The following CLVS2 variants were observed in gnomAD, a reference collection of about 807,000 sequenced individuals.
The protein encoded by CLVS2 is clavesin 2.
In CLVS2, 19 loss-of-function variants were observed where a neutral mutation model predicts 29.0. That is an observed-to-expected ratio of 0.66 (90% CI 0.46 to 0.96). The LOEUF (loss-of-function observed/expected upper bound fraction) is 0.96. CLVS2 is among the 40% of genes least tolerant of loss of function. The pLI, the probability that CLVS2 is intolerant of heterozygous loss-of-function variation, is 0.00. For missense variants in CLVS2, 294 were observed against 404.1 expected, an observed-to-expected ratio of 0.73 and a Z score of 2.34; for synonymous variants, 161 against 151.3, an observed-to-expected ratio of 1.06 and a Z score of -0.47.
chr6:123,032,352 C>A (rs545570461), intron 3 of CLVS2, among the ~76,000 whole-genome samples: 1 of 151,974 alleles, frequency 6.6e-6, no homozygotes, highest in Non-Finnish European at 1.5e-5. Flanking sequence ...GTAGGGGAGA[C>A]AAATATGTGT....
rs969402026 is a variant in CLVS2 at position 123,065,806 on chromosome 6, C to A, written c.*2045C>A. The A allele has an allele frequency of 6.6e-6, 1 of 151,728 alleles. No individual in the cohort carries two copies. Among genetic ancestry groups the A allele is most frequent in the Admixed American group, 6.6e-5 (1 of 15,178 alleles). 9.4% of individuals were successfully genotyped at this position (151,728 alleles called of 1,614,324 possible). On this transcript the variant is annotated 3_prime_UTR_variant, in exon 6 of 6. Coordinates refer to ENST00000275162, the MANE Select transcript of CLVS2 (RefSeq NM_001010852.4). ...CTCATGAGTTTCTCTTGATGTGTAC[C>A]ATTTATTGCCAGTTTTCAGAATTCT... is the stretch of plus-strand genomic sequence containing the variant.
intron 3 of CLVS2, among the ~76,000 whole-genome samples, chr6:123,044,464 C>T (rs1188931844): frequency 6.6e-6 from 1 of 150,678 alleles, no homozygotes; most frequent in Non-Finnish European, 1.5e-5. Context: ...TTCCAGAGAG[C>T]ATTTTGAGGA....
At chr6:123,043,585 C>T (rs186832217) in intron 3 of CLVS2, among the ~76,000 whole-genome samples, 35 of 152,168 alleles carry the variant, frequency 2.3e-4, no homozygotes, top group Non-Finnish European at 8.8e-5. Context: ...ATTACGCATA[C>T]GATTTCTGCT....
intron 5 of CLVS2, among the ~76,000 whole-genome samples, chr6:123,060,598 C>T (rs4612180): frequency 0.24 from 36,471 of 152,070 alleles, 5,342 homozygotes; most frequent in East Asian, 0.69. Flanking sequence ...AGGTAAGTGA[C>T]TTCCACATGT....
In CLVS2 at chr6:123,066,207, A is replaced by G. The variant is rs1017810057; in HGVS notation, c.*2446A>G. On this transcript the variant is annotated 3_prime_UTR_variant, in exon 6 of 6. Transcript: ENST00000275162. ...ATTTACCCCTCAGCACCAGCTATCT[A>G]GCACTGTTTAGGAATTTTTCCCTTC... is the stretch of plus-strand genomic sequence containing the variant. 6.6e-6 allele frequency: 1 copy of G among 151,752 alleles called. No individual in the cohort carries two copies. The highest frequency in any genetic ancestry group is 1.5e-5 in the Non-Finnish European group (1 of 67,742). 9.4% of individuals were successfully genotyped at this position (151,752 alleles called of 1,614,324 possible). A position where few individuals can be genotyped will look rare whatever the true frequency, so the allele number is the denominator to read the frequency against.
intron 3 of CLVS2, among the ~76,000 whole-genome samples, chr6:123,019,703 C>T (rs909453429): frequency 6.6e-6 from 1 of 151,972 alleles, no homozygotes; most frequent in African/African-American, 2.4e-5. Context: ...AGTCTGGGTT[C>T]TCCAAAGAAA....
At chr6:123,047,534 G>A (rs1479516636) in intron 3 of CLVS2, among the ~76,000 whole-genome samples, 3 of 152,022 alleles carry the variant, frequency 2.0e-5, no homozygotes, top group Non-Finnish European at 2.9e-5. Context: ...ACTACTGCTC[G>A]TAAGTGTCCA....
chr6:123,006,537 G>T lies in CLVS2; in HGVS notation c.390-4448G>T, dbSNP rs73772810. On this transcript the variant is annotated intron_variant, in intron 2 of 5. Transcript: ENST00000275162. ...TAAAGCTAGGACTCTAGTAGAAAGAGTTAGATGCCAAAGATGTATAAATAT... is the reference window on the plus strand; with the variant it reads ...TAAAGCTAGGACTCTAGTAGAAAGATTTAGATGCCAAAGATGTATAAATAT... Among the ~76,000 whole-genome samples the T allele has an allele frequency of 9.6e-3, 1,466 of 152,216 alleles. 12 individuals carry two copies. Among genetic ancestry groups the T allele is most frequent in the African/African-American group, 0.015 (633 of 41,536 alleles).
Position 123,063,925 on chromosome 6 carries a change from G to A in CLVS2, c.*164G>A, listed in dbSNP as rs1460346292. On this transcript the variant is annotated 3_prime_UTR_variant, in exon 6 of 6. Transcript: ENST00000275162. ...GCTTTCCTTGGCCTGAACCATGGGG[G>A]CCCTGGGCTGGATTTTTAAAATGTC... The A allele has an allele frequency of 4.5e-6, 2 of 440,464 alleles. No homozygotes were observed. The highest frequency in any genetic ancestry group is 2.0e-5 in the African/African-American group (1 of 49,232). 27.3% of individuals were successfully genotyped at this position (440,464 alleles called of 1,614,324 possible).
chr6:123,062,442 C>T (rs1167960527), intron 5 of CLVS2, among the ~76,000 whole-genome samples: 1 of 151,890 alleles, frequency 6.6e-6, no homozygotes, highest in Non-Finnish European at 1.5e-5. Flanking sequence ...ATATCCTCAT[C>T]TATTCTGTCT....
intron 3 of CLVS2, 145 bp from the exon 4 acceptor site, chr6:123,048,477 A>C: frequency 1.8e-6 from 1 of 570,098 alleles, no homozygotes; most frequent in Non-Finnish European, 3.1e-6. Context: ...TTAACGTGGT[A>C]AGGTTCTTCT....
intron 3 of CLVS2, among the ~76,000 whole-genome samples, chr6:123,022,208 G>A (rs188255449): frequency 6.6e-6 from 1 of 152,166 alleles, no homozygotes; most frequent in East Asian, 1.9e-4. Context: ...CTTTACGGAA[G>A]CAGAAGTTAG....
At chr6:123,004,317 G>T (rs1057370770) in intron 2 of CLVS2, among the ~76,000 whole-genome samples, 1 of 152,112 alleles carries the variant, frequency 6.6e-6, no homozygotes, top group Non-Finnish European at 1.5e-5. Context: ...CATTTTGCCC[G>T]CAGATGTTTC....
At chr6:123,010,480 C>A (rs924811390) in intron 2 of CLVS2, among the ~76,000 whole-genome samples, 1 of 152,054 alleles carries the variant, frequency 6.6e-6, no homozygotes, top group Non-Finnish European at 1.5e-5. Context: ...CTCTTTCTAT[C>A]CCTACCACCT....
At chr6:123,019,829 A>G (rs1774895234) in intron 3 of CLVS2, among the ~76,000 whole-genome samples, 1 of 152,042 alleles carries the variant, frequency 6.6e-6, no homozygotes, top group Admixed American at 6.6e-5. Context: ...GGCTGATGGT[A>G]TAGGTCCAGT....
At position 123,067,295 on chromosome 6, in the gene CLVS2, A is replaced by G. The variant is rs1031390463; in HGVS notation, c.*3534A>G. On this transcript the variant is annotated 3_prime_UTR_variant, in exon 6 of 6. Transcript: ENST00000275162. ...GTTTTAGACATTGGGGAATATGTTT[A>G]TGACTCTTCACATAAAGAAACCTTC... 1 of 151,746 alleles carries G rather than the reference A, an allele frequency of 6.6e-6. No individual in the cohort carries two copies. Among genetic ancestry groups the G allele is most frequent in the African/African-American group, 2.4e-5 (1 of 41,404 alleles). 9.4% of individuals were successfully genotyped at this position (151,746 alleles called of 1,614,324 possible).
chr6:123,019,368 CA>C (rs1339902514), intron 3 of CLVS2, among the ~76,000 whole-genome samples: 1 of 152,076 alleles, frequency 6.6e-6, no homozygotes, highest in Non-Finnish European at 1.5e-5. Flanking sequence ...AGTTGATAAT[CA>C]GGCAGTGTTT....
rs142968491 is a variant in CLVS2, at chr6:123,068,744, A to G, written c.*4983A>G. 1 of 151,794 alleles carries G rather than the reference A, an allele frequency of 6.6e-6. No homozygotes were observed. Among genetic ancestry groups the G allele is most frequent in the East Asian group, 1.9e-4 (1 of 5,178 alleles). 9.4% of individuals were successfully genotyped at this position (151,794 alleles called of 1,614,324 possible). Reference sequence around the variant, plus strand: ...TTATTAATTTTTACTACTACAAACTACTTATTTAGTACTACACGGCATTTA... The same window carrying G: ...TTATTAATTTTTACTACTACAAACTGCTTATTTAGTACTACACGGCATTTA... On this transcript the variant is annotated 3_prime_UTR_variant, in exon 6 of 6. Transcript: ENST00000275162.
At chr6:123,019,257 C>T (rs1404410273) in intron 3 of CLVS2, among the ~76,000 whole-genome samples, 1 of 152,000 alleles carries the variant, frequency 6.6e-6, no homozygotes, top group Admixed American at 6.6e-5. Context: ...AATGGGTGGG[C>T]ACCTGTACTC....
Sources: allele counts gnomAD v4.1 joint callset (sites outside exome capture counted in the v4.1 genomes callset), GRCh38; gene constraint gnomAD v4.1.1; transcripts MANE v1.5; gene names NCBI Gene and HGNC (gene_info 2026-07-23, HGNC 2026-07-21).